The following SMURF2 variants were observed in gnomAD, a reference collection of about 807,000 sequenced individuals.
SMURF2 encodes E3 ubiquitin-protein ligase SMURF2.
SMURF2 carries 48 observed loss-of-function variants against 109.6 expected under a neutral mutation model. That is an observed-to-expected ratio of 0.44 (90% CI 0.35 to 0.56). The LOEUF is 0.56. SMURF2 is among the 20% of genes least tolerant of loss of function. The probability of loss-of-function intolerance (pLI) is 0.01; values close to 1 mark genes in which losing one functional copy is unlikely to be tolerated. For missense variants in SMURF2, 575 were observed against 909.0 expected (o/e 0.63, Z 4.72); for synonymous variants, 288 against 317.1 (o/e 0.91, Z 0.97).
intron 1 of SMURF2, among the ~76,000 whole-genome samples, chr17:64,607,001 T>C (rs1039724211): frequency 2.0e-5 from 3 of 151,762 alleles, no homozygotes; most frequent in Non-Finnish European, 4.4e-5. Context: ...ATTTTAAGGA[T>C]GAAATAATTT....
intron 10 of SMURF2, among the ~76,000 whole-genome samples, chr17:64,566,136 T>C (rs563707955): frequency 3.9e-5 from 6 of 151,980 alleles, no homozygotes; most frequent in Admixed American, 6.6e-5. Flanking sequence ...CTTTAAAAAA[T>C]AGAAATCAAA....
chr17:64,545,740 G>GT lies in SMURF2; in HGVS notation c.*107_*108insA. 1 of 374,246 alleles carries GT rather than the reference G, an allele frequency of 2.7e-6. No individual in the cohort carries two copies. Among genetic ancestry groups the GT allele is most frequent in the South Asian group, 6.6e-5 (1 of 15,172 alleles). 23.2% of individuals were successfully genotyped at this position (374,246 alleles called of 1,614,324 possible). A position where few individuals can be genotyped will look rare whatever the true frequency, so the allele number is the denominator to read the frequency against. ...GTAAAAAAAAAAAAAAAAAGGGGGG[G>GT]GGGGGGAGTGTTTTCCTGTATTTCA... On this transcript the variant is annotated 3_prime_UTR_variant, in exon 19 of 19. Transcript: ENST00000262435.
Position 64,637,923 on chromosome 17 carries a change from C to CAAAA in SMURF2, c.52+23902_52+23905dup, listed in dbSNP as rs59701513. On this transcript the variant is annotated intron_variant, in intron 1 of 18. Transcript: ENST00000262435. Reference sequence around the variant, plus strand: ...CATTGAATGGTTTTGGCGCCCTAGTCAAAAAAAAAAAAAAAAAAAATCAAC... The same window carrying CAAAA: ...CATTGAATGGTTTTGGCGCCCTAGTCAAAAAAAAAAAAAAAAAAAAAAAATCAAC... Among the ~76,000 whole-genome samples, 14 of 72,546 alleles carry CAAAA rather than the reference C, an allele frequency of 1.9e-4. 1 individual carries two copies. Among genetic ancestry groups the CAAAA allele is most frequent in the African/African-American group, 4.1e-4 (10 of 24,314 alleles). 47.6% of individuals were successfully genotyped at this position (72,546 alleles called of 152,430 possible).
intron 1 of SMURF2, among the ~76,000 whole-genome samples, chr17:64,661,573 C>G (rs1415477188): frequency 6.6e-6 from 1 of 152,162 alleles, no homozygotes; most frequent in African/African-American, 2.4e-5. Flanking sequence ...GACCTGAAAT[C>G]CGCCTGCGAT....
chr17:64,582,361 C>T (rs1969590160), intron 7 of SMURF2, among the ~76,000 whole-genome samples: 2 of 152,186 alleles, frequency 1.3e-5, no homozygotes, highest in African/African-American at 4.8e-5. Context: ...AAACACTGCA[C>T]AAGATGGCAA....
At chr17:64,566,425 T>C (rs927890856) in intron 10 of SMURF2, among the ~76,000 whole-genome samples, 1 of 151,746 alleles carries the variant, frequency 6.6e-6, no homozygotes. Flanking sequence ...GTAACACGAA[T>C]ATAAACCCCA....
intron 3 of SMURF2, among the ~76,000 whole-genome samples, chr17:64,594,912 C>T (rs1321185783): frequency 6.6e-6 from 1 of 152,070 alleles, no homozygotes; most frequent in Non-Finnish European, 1.5e-5. Flanking sequence ...ATCACTTGAA[C>T]CCGGGAGGCG....
At chr17:64,601,235 G>A (rs1419408190) in intron 2 of SMURF2, among the ~76,000 whole-genome samples, 1 of 152,038 alleles carries the variant, frequency 6.6e-6, no homozygotes, top group Non-Finnish European at 1.5e-5. Context: ...CAACCTGGTT[G>A]ACAGAGCAAG....
chr17:64,579,523 T>A (rs919925864), intron 8 of SMURF2, among the ~76,000 whole-genome samples: 3 of 152,162 alleles, frequency 2.0e-5, no homozygotes, highest in African/African-American at 4.8e-5. Flanking sequence ...TATGTTTTGG[T>A]TGTACAGTTT....
At chr17:64,552,750 C>T (rs1969063353) in intron 15 of SMURF2, among the ~76,000 whole-genome samples, 1 of 152,148 alleles carries the variant, frequency 6.6e-6, no homozygotes, top group Non-Finnish European at 1.5e-5. Flanking sequence ...GTCACCCAGG[C>T]TGGAATACAG....
At chr17:64,546,849 G>C (rs1295547034) in intron 17 of SMURF2, among the ~76,000 whole-genome samples, 2 of 152,208 alleles carry the variant, frequency 1.3e-5, no homozygotes, top group African/African-American at 4.8e-5. Flanking sequence ...GTGAGGATGA[G>C]GAGCTCTCCT....
At chr17:64,618,168 T>C (rs1970150965) in intron 1 of SMURF2, among the ~76,000 whole-genome samples, 3 of 152,192 alleles carry the variant, frequency 2.0e-5, no homozygotes, top group African/African-American at 7.2e-5. Context: ...TGCGGTGGCT[T>C]ACGCCTATAA....
intron 1 of SMURF2, among the ~76,000 whole-genome samples, chr17:64,638,489 C>T (rs1462375240): frequency 1.3e-5 from 2 of 152,262 alleles, no homozygotes; most frequent in Non-Finnish European, 2.9e-5. Context: ...GCGTAAGCCA[C>T]CACGCTCAGC....
intron 1 of SMURF2, among the ~76,000 whole-genome samples, chr17:64,640,922 A>AAAAAAAAAGAAAAAAG (rs1201941901): frequency 1.4e-4 from 21 of 151,652 alleles, no homozygotes; most frequent in Non-Finnish European, 2.9e-4. Context: ...CATCTCAAAA[A>AAAAAAAAAGAAAAAAG]AAAAAAAAGA....
intron 6 of SMURF2, among the ~76,000 whole-genome samples, chr17:64,584,361 C>CTTTTTTTCT (rs1555686861): frequency 1.8e-5 from 2 of 112,754 alleles, no homozygotes; most frequent in African/African-American, 3.7e-5. Context: ...CTTTTTTTTT[C>CTTTTTTTCT]TTTTTTTTTT....
chr17:64,661,943 G>A lies in SMURF2; in HGVS notation c.-63C>T. The A allele has an allele frequency of 8.7e-7, 1 of 1,146,722 alleles. No individual in the cohort carries two copies. The highest frequency in any genetic ancestry group is 1.1e-6 in the Non-Finnish European group (1 of 933,830). 71.0% of individuals were successfully genotyped at this position (1,146,722 alleles called of 1,614,324 possible). On this transcript the variant is annotated 5_prime_UTR_variant, in exon 1 of 19. Coordinates refer to ENST00000262435, the MANE Select transcript of SMURF2 (RefSeq NM_022739.4). ...ACGGGGGCGACGGCGAGGCGCGGCGGAGTCACCACAGCGGCCGGGGCTGGG... is the reference window on the plus strand; with the variant it reads ...ACGGGGGCGACGGCGAGGCGCGGCGAAGTCACCACAGCGGCCGGGGCTGGG...
rs963752069 is a variant in SMURF2, at chr17:64,633,405, G to A, written c.53-26765C>T. Among the ~76,000 whole-genome samples the A allele has an allele frequency of 2.0e-5, 3 of 152,140 alleles. No homozygotes were observed. The East Asian group carries it at 5.8e-4, about 29-fold the overall frequency. ...AAAGAGAAAGCAGAGTATAAAAACA[G>A]AGAAAGAACACTCCCTTTCCACTTA... On this transcript the variant is annotated intron_variant, in intron 1 of 18. Coordinates refer to ENST00000262435, the MANE Select transcript of SMURF2 (RefSeq NM_022739.4).
At chr17:64,608,482 G>C (rs868937582) in intron 1 of SMURF2, among the ~76,000 whole-genome samples, 7 of 152,052 alleles carry the variant, frequency 4.6e-5, no homozygotes, top group Admixed American at 3.3e-4. Flanking sequence ...TCACAAACTA[G>C]ATTTAGAGAA....
At chr17:64,623,419 A>G (rs1555690841) in intron 1 of SMURF2, among the ~76,000 whole-genome samples, 1 of 152,184 alleles carries the variant, frequency 6.6e-6, no homozygotes, top group African/African-American at 2.4e-5. Context: ...TTGAGTCATA[A>G]CATAACTCAT....
Sources: gnomAD v4.1 joint callset for allele counts (sites outside exome capture counted in the v4.1 genomes callset) on GRCh38, gnomAD v4.1.1 for gene constraint, MANE v1.5 for transcripts, NCBI Gene and HGNC (gene_info 2026-07-23, HGNC 2026-07-21) for gene names.